LSM3: variants seen among roughly 807,000 people sequenced by gnomAD.
The protein encoded by LSM3 is U6 snRNA-associated Sm-like protein LSm3.
A neutral mutation model predicts 15.4 loss-of-function variants in LSM3; 14 were observed. That is an observed-to-expected ratio of 0.91 (90% CI 0.60 to 1.42). The LOEUF is 1.42. Among genes scored for constraint, LSM3 ranks in the 40% most tolerant of loss-of-function variants. The probability of loss-of-function intolerance (pLI) is 0.00; values close to 1 mark genes in which losing one functional copy is unlikely to be tolerated. For missense variants in LSM3, 88 were observed against 127.9 expected (o/e 0.69, Z 1.50); for synonymous variants, 46 against 45.1 (o/e 1.02, Z -0.08).
chr3:14,185,319 T>A (rs537706308), intron 3 of LSM3, among the ~76,000 whole-genome samples: 1 of 152,136 alleles, frequency 6.6e-6, no homozygotes, highest in South Asian at 2.1e-4. Flanking sequence ...GCTACTGTAC[T>A]CCAGCCTGGG....
At position 14,184,051 on chromosome 3, in the gene LSM3, T is replaced by C. The variant is rs1296526624; in HGVS notation, c.228+19T>C. 6.3e-7 allele frequency: 1 copy of C among 1,594,414 alleles called. No homozygotes were observed. The highest frequency in any genetic ancestry group is 1.8e-5 in the Admixed American group (1 of 55,720). The stretch of plus-strand genomic sequence containing the variant: ...ATATAAAGTAAGTCATGCAATTCTA[T>C]TCATTGCTTTGCAAATATCAGCTGT... On this transcript the variant is annotated intron_variant, in intron 3 of 3. Transcript: ENST00000306024.
intron 3 of LSM3, among the ~76,000 whole-genome samples, chr3:14,188,870 A>G (rs1215717362): frequency 6.6e-6 from 1 of 152,084 alleles, no homozygotes; most frequent in Admixed American, 6.6e-5. Flanking sequence ...GTTTTGTTAC[A>G]AAGGTATACA....
chr3:14,186,714 A>G (rs1252693970), intron 3 of LSM3, among the ~76,000 whole-genome samples: 2 of 151,984 alleles, frequency 1.3e-5, no homozygotes, highest in African/African-American at 2.4e-5. Flanking sequence ...TTTATTAACT[A>G]TTGTTTAGTG....
intron 3 of LSM3, among the ~76,000 whole-genome samples, chr3:14,186,688 C>T (rs1697092821): frequency 6.6e-6 from 1 of 151,338 alleles, no homozygotes. Flanking sequence ...GCATTTTTTC[C>T]CCTTTAGGAA....
chr3:14,184,174 T>C, intron 3 of LSM3, 142 bp downstream of exon 3: 1 of 1,132,024 alleles, frequency 8.8e-7, no homozygotes, highest in Non-Finnish European at 1.1e-6. Flanking sequence ...AAGCAAGGGT[T>C]CTGGCATCTG....
At chr3:14,185,050 G>A (rs1471959343) in intron 3 of LSM3, among the ~76,000 whole-genome samples, 9 of 148,032 alleles carry the variant, frequency 6.1e-5, no homozygotes, top group African/African-American at 2.2e-4. Context: ...AGAGTGAAAC[G>A]CTGTCTCAAA....
chr3:14,181,414 G>A, intron 1 of LSM3, 146 bp from the exon 2 acceptor site: 2 of 633,006 alleles, frequency 3.2e-6, no homozygotes. Context: ...AACAGTATTA[G>A]GTAGACACTA....
chr3:14,179,407 A>G (rs1439569754), intron 1 of LSM3, among the ~76,000 whole-genome samples: 5 of 152,212 alleles, frequency 3.3e-5, no homozygotes, highest in African/African-American at 4.8e-5. Flanking sequence ...GAAGGAAACA[A>G]GGAACTGGTA....
At chr3:14,181,351 T>G (rs2125056331) in intron 1 of LSM3, among the ~76,000 whole-genome samples, 1 of 152,362 alleles carries the variant, frequency 6.6e-6, no homozygotes, top group African/African-American at 2.4e-5. Context: ...TAGCACGTAT[T>G]ATGTGAAAAG....
intron 3 of LSM3, among the ~76,000 whole-genome samples, chr3:14,190,563 A>G (rs1370195774): frequency 1.3e-5 from 2 of 152,124 alleles, no homozygotes; most frequent in Middle Eastern, 3.2e-3. Flanking sequence ...GCAATTGTGA[A>G]TGGGAGTTCA....
intron 3 of LSM3, among the ~76,000 whole-genome samples, chr3:14,192,135 G>A (rs1012927335): frequency 1.3e-5 from 2 of 152,194 alleles, no homozygotes; most frequent in African/African-American, 4.8e-5. Flanking sequence ...ATTGCAATGT[G>A]GTCTGAGAGA....
In LSM3 at chr3:14,183,958, A is replaced by G. The variant is rs1168002315; in HGVS notation, c.154A>G (p.Met52Val). Residue 52 changes from methionine (M) to valine (V), a missense_variant, in exon 3 of 4, where the codon ATG becomes GTG. Met to Val is a conservative substitution (Grantham distance 21, BLOSUM62 1). Transcript: ENST00000306024. ...RLHAYDQHLN[M>V]ILGDVEETVT... ...TTAGGCTTATGATCAACATTTAAAT[A>G]TGATCTTGGGAGATGTGGAAGAAAC... The G allele has an allele frequency of 1.5e-5, 24 of 1,607,690 alleles. No homozygotes were observed. In the Admixed American group the frequency reaches 4.1e-4, roughly 27 times the overall value.
At chr3:14,193,209 G>A (rs547367411) in intron 3 of LSM3, among the ~76,000 whole-genome samples, 6 of 152,196 alleles carry the variant, frequency 3.9e-5, no homozygotes, top group African/African-American at 1.2e-4. Context: ...TGCCCTTAAC[G>A]TTTTTTCCTT....
rs1697203535 is a variant in LSM3, at chr3:14,198,188, A to G, written c.*72A>G. 2 of 1,116,818 alleles carry G rather than the reference A, an allele frequency of 1.8e-6. No individual in the cohort carries two copies. Among genetic ancestry groups the G allele is most frequent in the Non-Finnish European group, 2.7e-6 (2 of 734,452 alleles). 69.2% of individuals were successfully genotyped at this position (1,116,818 alleles called of 1,614,324 possible). On this transcript the variant is annotated 3_prime_UTR_variant, in exon 4 of 4. Coordinates refer to ENST00000306024, the MANE Select transcript of LSM3 (RefSeq NM_014463.3). ...GCCTCTCTAAAAGTACAAAACATTC[A>G]TAAGAGAAACCTGCATACATTTTGA... is the stretch of plus-strand genomic sequence containing the variant.
At chr3:14,183,395 T>A (rs1697058097) in intron 2 of LSM3, among the ~76,000 whole-genome samples, 1 of 152,246 alleles carries the variant, frequency 6.6e-6, no homozygotes, top group Admixed American at 6.5e-5. Flanking sequence ...CACATTTAAG[T>A]TCTGGATAGG....
chr3:14,181,304 A>C (rs549363799), intron 1 of LSM3, among the ~76,000 whole-genome samples: 139 of 152,312 alleles, frequency 9.1e-4, no homozygotes, highest in Middle Eastern at 6.8e-3. Flanking sequence ...TTTGCTGTGT[A>C]ACTTCTCATG....
intron 3 of LSM3, among the ~76,000 whole-genome samples, chr3:14,190,556 A>G (rs189895869): frequency 6.6e-5 from 10 of 152,286 alleles, no homozygotes; most frequent in African/African-American, 1.4e-4. Flanking sequence ...CTTAGTAGCA[A>G]TTGTGAATGG....
chr3:14,180,820 C>CTTTTT lies in LSM3; in HGVS notation c.22-740_22-739insTTTTT, dbSNP rs1436714313. 2.1e-4 allele frequency among the ~76,000 whole-genome samples: 11 copies of CTTTTT among 51,416 alleles called. 2 individuals carry two copies. Among genetic ancestry groups the CTTTTT allele is most frequent in the Admixed American group, 2.8e-4 (1 of 3,530 alleles). 33.7% of individuals were successfully genotyped at this position (51,416 alleles called of 152,430 possible). The stretch of plus-strand genomic sequence containing the variant: ...TGACTCCAAAGCCAGTGCTTGCTTG[C>CTTTTT]CTTTTTTTTTTTTTTTTTTTTTTTT... On this transcript the variant is annotated intron_variant, in intron 1 of 3. Coordinates refer to ENST00000306024, the MANE Select transcript of LSM3 (RefSeq NM_014463.3).
chr3:14,179,593 G>GA (rs1696995461), intron 1 of LSM3, among the ~76,000 whole-genome samples: 1 of 152,180 alleles, frequency 6.6e-6, no homozygotes. Flanking sequence ...TTTCTTCATA[G>GA]AGAGTTATTT....
Sources: allele counts gnomAD v4.1 joint callset (sites outside exome capture counted in the v4.1 genomes callset), GRCh38; gene constraint gnomAD v4.1.1; transcripts MANE v1.5; gene names NCBI Gene and HGNC (gene_info 2026-07-23, HGNC 2026-07-21).